Variants in PIK3C2G observed in about 807,000 individuals in gnomAD.
PIK3C2G encodes phosphatidylinositol 3-kinase C2 domain-containing subunit gamma.
In PIK3C2G, 168 loss-of-function variants were observed where a neutral mutation model predicts 181.1. That is an observed-to-expected ratio of 0.93 (90% CI 0.82 to 1.05). The LOEUF is 1.05. Among genes scored for constraint, PIK3C2G ranks in the 50% least tolerant of loss-of-function variants. PIK3C2G has a pLI of 0.00. For missense variants in PIK3C2G, 1,869 were observed against 1,732.8 expected (o/e 1.08, Z -1.40); for synonymous variants, 573 against 592.2 (o/e 0.97, Z 0.47).
At chr12:18,582,686 G>A (rs75052783) in intron 29 of PIK3C2G, among the ~76,000 whole-genome samples, 1,579 of 152,306 alleles carry the variant, frequency 0.01, 28 homozygotes, top group African/African-American at 0.036. Flanking sequence ...TACGGTAGCA[G>A]CATTACACCT....
intron 18 of PIK3C2G, among the ~76,000 whole-genome samples, chr12:18,466,077 G>A (rs1233728499): frequency 1.3e-5 from 2 of 151,412 alleles, no homozygotes; most frequent in Non-Finnish European, 3.0e-5. Flanking sequence ...GCGTGTGTGT[G>A]TATTTGCATG....
downstream of PIK3C2G, among the ~76,000 whole-genome samples, chr12:18,650,747 TATATATATATATATATA>T (rs1950472770): frequency 1.9e-5 from 1 of 53,594 alleles, no homozygotes; most frequent in African/African-American, 1.2e-4. Context: ...TATATATATA[TATATATATATATATATA>T]TTCCAGTCCA....
chr12:18,469,915 CT>C (rs34001401), intron 18 of PIK3C2G, among the ~76,000 whole-genome samples: 114,456 of 141,806 alleles, frequency 0.81, 46,360 homozygotes, highest in Middle Eastern at 0.92. Context: ...ACCTGCTACT[CT>C]TTTTTTTTTT....
At chr12:18,611,743 C>G (rs1025375739) in intron 31 of PIK3C2G, among the ~76,000 whole-genome samples, 15 of 152,064 alleles carry the variant, frequency 9.9e-5, no homozygotes, top group African/African-American at 2.9e-4. Context: ...TCCTTCCCCA[C>G]AAGCTACATC....
intron 8 of PIK3C2G, among the ~76,000 whole-genome samples, chr12:18,331,924 G>A (rs568767254): frequency 7.9e-5 from 12 of 152,000 alleles, no homozygotes; most frequent in Non-Finnish European, 1.6e-4. Context: ...ACAAATGCAC[G>A]TATGGTTTTT....
chr12:18,685,869 C>T, the PIK3C2G span, among the ~76,000 whole-genome samples: 1 of 146,006 alleles, frequency 6.8e-6, no homozygotes, highest in African/African-American at 2.6e-5. Flanking sequence ...CACACACACA[C>T]ATACAATAAT....
At chr12:18,371,064 A>C (rs1565646705) in intron 12 of PIK3C2G, 116 bp from the exon 13 acceptor site, 20 of 750,288 alleles carry the variant, frequency 2.7e-5, no homozygotes, top group Middle Eastern at 5.3e-4. Context: ...TTCAAGAGGC[A>C]GCCTCAATTC....
At chr12:18,600,173 A>G (rs554407056) in intron 30 of PIK3C2G, among the ~76,000 whole-genome samples, 3 of 152,174 alleles carry the variant, frequency 2.0e-5, no homozygotes, top group South Asian at 2.1e-4. Context: ...GAAAAGTTCA[A>G]TAAAGTCCAA....
chr12:18,356,172 G>A (rs1940707971), intron 11 of PIK3C2G, among the ~76,000 whole-genome samples: 1 of 152,208 alleles, frequency 6.6e-6, no homozygotes, highest in Non-Finnish European at 1.5e-5. Flanking sequence ...CCTATCCCCT[G>A]CAAATGGCAT....
At chr12:18,699,725 A>T in the PIK3C2G span, 1 of 1,421,714 alleles carries the variant, frequency 7.0e-7, no homozygotes. Context: ...ATCATTGAGC[A>T]ATCTTAACAC....
chr12:18,375,308 A>C (rs1942358598), intron 13 of PIK3C2G, among the ~76,000 whole-genome samples: 1 of 152,222 alleles, frequency 6.6e-6, no homozygotes, highest in South Asian at 2.1e-4. Flanking sequence ...CACTCTTGTT[A>C]TGCCTTAGCA....
intron 11 of PIK3C2G, among the ~76,000 whole-genome samples, chr12:18,362,401 C>T (rs952730760): frequency 3.3e-5 from 5 of 152,132 alleles, no homozygotes; most frequent in African/African-American, 4.8e-5. Flanking sequence ...CTGATCATGC[C>T]ACACTGTGCC....
At chr12:18,405,263 A>T (rs759145119) in intron 16 of PIK3C2G, among the ~76,000 whole-genome samples, 1 of 152,198 alleles carries the variant, frequency 6.6e-6, no homozygotes, top group Non-Finnish European at 1.5e-5. Flanking sequence ...TTGAAAAACA[A>T]TGTGGGAGTT....
At chr12:18,343,492 C>CAT (rs397800236) in intron 10 of PIK3C2G, 132 bp downstream of exon 10, 1 of 435,426 alleles carries the variant, frequency 2.3e-6, no homozygotes, top group Non-Finnish European at 4.2e-6. Context: ...CACACACACA[C>CAT]GAGCTTTTTG....
intron 11 of PIK3C2G, chr12:18,358,728 C>T (rs1340888520): frequency 4.7e-6 from 2 of 429,844 alleles, no homozygotes; most frequent in East Asian, 1.2e-4. Flanking sequence ...CCTTGATTCT[C>T]ATGACTTTAT....
chr12:18,362,946 CT>C (rs1201709629), intron 12 of PIK3C2G, 60 bp downstream of exon 12: 18 of 1,320,670 alleles, frequency 1.4e-5, no homozygotes, highest in East Asian at 8.1e-5. Context: ...CTTTTTCCCC[CT>C]TTTTTTAAAA....
intron 1 of PIK3C2G, among the ~76,000 whole-genome samples, chr12:18,266,040 A>C: frequency 7.2e-6 from 1 of 138,920 alleles, no homozygotes; most frequent in Non-Finnish European, 1.6e-5. Flanking sequence ...AAAAAAAAAA[A>C]ACACTACGCA....
intron 2 of PIK3C2G, among the ~76,000 whole-genome samples, chr12:18,284,471 A>G (rs1241148456): frequency 6.6e-6 from 1 of 152,104 alleles, no homozygotes; most frequent in African/African-American, 2.4e-5. Context: ...ATAAAAATGC[A>G]TAGATATGTA....
chr12:18,721,603 T>A, the PIK3C2G span, among the ~76,000 whole-genome samples: 1 of 152,108 alleles, frequency 6.6e-6, no homozygotes, highest in Non-Finnish European at 1.5e-5. Context: ...TCTAGATCAG[T>A]GCTACTTAAA....
Sources: allele counts gnomAD v4.1 joint callset (sites outside exome capture counted in the v4.1 genomes callset), GRCh38; gene constraint gnomAD v4.1.1; transcripts MANE v1.5; gene names NCBI Gene and HGNC (gene_info 2026-07-23, HGNC 2026-07-21).